MAPKAP1: variants seen among roughly 807,000 people sequenced by gnomAD.
MAPKAP1 encodes target of rapamycin complex 2 subunit MAPKAP1.
A neutral mutation model predicts 65.7 loss-of-function variants in MAPKAP1; 20 were observed. The observed-to-expected ratio is 0.30, with a 90% confidence interval of 0.21 to 0.44. The LOEUF (loss-of-function observed/expected upper bound fraction) is 0.44. Among genes scored for constraint, MAPKAP1 ranks in the 20% least tolerant of loss-of-function variants. The pLI is 1.00. For synonymous variants in MAPKAP1, 222 were observed against 244.3 expected, an observed-to-expected ratio of 0.91 and a Z score of 0.85; for missense variants, 423 against 648.0, an observed-to-expected ratio of 0.65 and a Z score of 3.77.
Position 125,631,200 on chromosome 9 carries a change from A to AG in MAPKAP1, c.498+26450dup, listed in dbSNP as rs558084106. 1.6e-3 allele frequency among the ~76,000 whole-genome samples: 249 copies of AG among 152,158 alleles called. 1 individual carries two copies. Among genetic ancestry groups the AG allele is most frequent in the Non-Finnish European group, 2.9e-3 (199 of 68,016 alleles). On this transcript the variant is annotated intron_variant, in intron 4 of 11. Coordinates refer to ENST00000265960, the MANE Select transcript of MAPKAP1 (RefSeq NM_001006617.3). ...CCATCTGCCTTCCTTAATGAGTAAA[A>AG]GCAGCCTGAGGCCCTCACCAGGTGC...
chr9:125,510,468 C>T (rs2133092868), intron 7 of MAPKAP1, among the ~76,000 whole-genome samples: 1 of 152,324 alleles, frequency 6.6e-6, no homozygotes, highest in Middle Eastern at 3.4e-3. Flanking sequence ...GTACCATTCC[C>T]TCTTACGAAG....
intron 8 of MAPKAP1, among the ~76,000 whole-genome samples, chr9:125,491,098 C>G (rs996452128): frequency 6.6e-6 from 1 of 150,432 alleles, no homozygotes; most frequent in Non-Finnish European, 1.5e-5. Flanking sequence ...TGAGATTACA[C>G]CACTGCACTC....
chr9:125,698,310 TATATATATATATATATATATATATATAA>T (rs1564622504), intron 1 of MAPKAP1, among the ~76,000 whole-genome samples: 5 of 45,134 alleles, frequency 1.1e-4, no homozygotes, highest in East Asian at 7.5e-4. Context: ...TATATATATA[TATATATATATATATATATATATATATAA>T]AATATATATA....
chr9:125,660,699 C>T (rs1227506856), intron 3 of MAPKAP1, among the ~76,000 whole-genome samples: 1 of 152,186 alleles, frequency 6.6e-6, no homozygotes, highest in Admixed American at 6.5e-5. Context: ...TGGGAGTCAT[C>T]CTGACTTCTC....
chr9:125,480,511 T>C (rs1442640411), intron 9 of MAPKAP1, among the ~76,000 whole-genome samples: 1 of 152,162 alleles, frequency 6.6e-6, no homozygotes, highest in African/African-American at 2.4e-5. Context: ...CATGTCTACC[T>C]GACAAGTCTC....
intron 8 of MAPKAP1, among the ~76,000 whole-genome samples, chr9:125,505,390 A>G (rs1213609368): frequency 3.9e-5 from 6 of 152,116 alleles, no homozygotes; most frequent in African/African-American, 1.4e-4. Context: ...GCACCACTGC[A>G]CTCCAGCCTG....
chr9:125,461,817 G>T (rs943975532), intron 10 of MAPKAP1, among the ~76,000 whole-genome samples: 1 of 152,100 alleles, frequency 6.6e-6, no homozygotes, highest in Non-Finnish European at 1.5e-5. Flanking sequence ...TGGATCTCCC[G>T]GGAGTGGACA....
At position 125,464,204 on chromosome 9, in the gene MAPKAP1, TA is replaced by T. The variant is rs57497941; in HGVS notation, c.1345+3767del. ...CACAGTGAGACCCTGTCTCATATAT[TA>T]AAAAAAAAAAAAAAAAAAAAAAAAA... On this transcript the variant is annotated intron_variant, in intron 10 of 11. Coordinates refer to ENST00000265960, the MANE Select transcript of MAPKAP1 (RefSeq NM_001006617.3). 6.7e-3 allele frequency among the ~76,000 whole-genome samples: 560 copies of T among 83,298 alleles called. 34 individuals carry two copies. Among genetic ancestry groups the T allele is most frequent in the African/African-American group, 0.016 (379 of 23,556 alleles). The allele number at this position is 83,298 out of a possible 152,430, so 54.6% of individuals were successfully genotyped here.
chr9:125,480,841 A>G (rs1211598621), intron 9 of MAPKAP1, among the ~76,000 whole-genome samples: 4 of 151,668 alleles, frequency 2.6e-5, no homozygotes, highest in East Asian at 1.9e-4. Flanking sequence ...GCGTGGTGGC[A>G]GGCGCCTGTA....
chr9:125,474,503 C>G (rs1854034743), intron 9 of MAPKAP1, among the ~76,000 whole-genome samples: 1 of 152,176 alleles, frequency 6.6e-6, no homozygotes, highest in Admixed American at 6.5e-5. Flanking sequence ...CCTGATCATT[C>G]TCCTCTGTAA....
rs552556480 is a variant in MAPKAP1, at chr9:125,459,231, G to C, written c.1345+8741C>G. On this transcript the variant is annotated intron_variant, in intron 10 of 11. Coordinates refer to ENST00000265960, the MANE Select transcript of MAPKAP1 (RefSeq NM_001006617.3). Reference sequence around the variant, plus strand: ...CTCAGACGATGGGCGGCGGGGCAGAGAGGCTCCTCACTTCCTAGATGTGAT... The same window carrying C: ...CTCAGACGATGGGCGGCGGGGCAGACAGGCTCCTCACTTCCTAGATGTGAT... Among the ~76,000 whole-genome samples the C allele has an allele frequency of 4.0e-5, 6 of 150,786 alleles. No homozygotes were observed. The South Asian group carries it at 1.3e-3, about 32-fold the overall frequency.
intron 1 of MAPKAP1, among the ~76,000 whole-genome samples, chr9:125,678,363 C>T (rs1588066065): frequency 6.6e-6 from 1 of 152,092 alleles, no homozygotes; most frequent in African/African-American, 2.4e-5. Context: ...CTGCCTCAGC[C>T]TCCTGAGTAG....
chr9:125,532,226 T>C (rs951330392), intron 7 of MAPKAP1, among the ~76,000 whole-genome samples: 48 of 152,320 alleles, frequency 3.2e-4, no homozygotes, highest in African/African-American at 1.0e-3. Context: ...TATATTTATA[T>C]ATCTCCTTGG....
At chr9:125,662,174 G>A (rs1834205098) in intron 3 of MAPKAP1, among the ~76,000 whole-genome samples, 1 of 152,096 alleles carries the variant, frequency 6.6e-6, no homozygotes, top group Admixed American at 6.6e-5. Flanking sequence ...TTGAGCCCAG[G>A]AGTTCAAGAC....
At chr9:125,542,746 C>T (rs567791357) in intron 7 of MAPKAP1, among the ~76,000 whole-genome samples, 2 of 152,284 alleles carry the variant, frequency 1.3e-5, no homozygotes, top group African/African-American at 4.8e-5. Context: ...AGGACTGATT[C>T]GGTTTTCAAG....
intron 4 of MAPKAP1, among the ~76,000 whole-genome samples, chr9:125,619,530 C>T (rs1832837879): frequency 6.6e-6 from 1 of 151,116 alleles, no homozygotes; most frequent in Non-Finnish European, 1.5e-5. Flanking sequence ...TAACAATATT[C>T]TTATATGTGT....
At chr9:125,656,925 C>T (rs1276247297) in intron 4 of MAPKAP1, among the ~76,000 whole-genome samples, 2 of 152,098 alleles carry the variant, frequency 1.3e-5, no homozygotes, top group African/African-American at 4.8e-5. Context: ...AAAAGGAAAA[C>T]AAACACACTT....
chr9:125,589,817 C>T (rs1831899626), intron 4 of MAPKAP1, among the ~76,000 whole-genome samples: 3 of 152,160 alleles, frequency 2.0e-5, no homozygotes, highest in Non-Finnish European at 4.4e-5. Context: ...CATGCACCCA[C>T]ACTCGCTGTC....
chr9:125,635,264 C>A (rs577237768), intron 4 of MAPKAP1, among the ~76,000 whole-genome samples: 4 of 152,170 alleles, frequency 2.6e-5, no homozygotes, highest in Non-Finnish European at 5.9e-5. Context: ...CCATTCACCT[C>A]AAACATCGTT....
Sources: allele counts gnomAD v4.1 joint callset (sites outside exome capture counted in the v4.1 genomes callset), GRCh38; gene constraint gnomAD v4.1.1; transcripts MANE v1.5; gene names NCBI Gene and HGNC (gene_info 2026-07-23, HGNC 2026-07-21).